Variants in LRRC8D observed in about 807,000 individuals in gnomAD.
LRRC8D encodes the protein leucine rich repeat containing 8 VRAC subunit D.
In LRRC8D, 20 loss-of-function variants were observed where a neutral mutation model predicts 55.8. That is an observed-to-expected ratio of 0.36 (90% CI 0.25 to 0.52). The LOEUF is 0.52. LRRC8D is among the 20% of genes least tolerant of loss of function. LRRC8D has a pLI of 0.93. For synonymous variants in LRRC8D, 352 were observed against 377.0 expected (o/e 0.93, Z 0.77); for missense variants, 651 against 1,030.8 (o/e 0.63, Z 5.05).
At chr1:89,852,989 G>T (rs2100771710) in intron 2 of LRRC8D, among the ~76,000 whole-genome samples, 1 of 152,324 alleles carries the variant, frequency 6.6e-6, no homozygotes, top group East Asian at 1.9e-4. Context: ...GTCATTAAAG[G>T]TAAAATAAGT....
chr1:89,930,208 A>G (rs891113013), intron 2 of LRRC8D, among the ~76,000 whole-genome samples: 3 of 152,034 alleles, frequency 2.0e-5, no homozygotes, highest in Non-Finnish European at 4.4e-5. Context: ...TATGTACTTC[A>G]TTATAAAATG....
At position 89,837,881 on chromosome 1, in the gene LRRC8D, G is replaced by T. The variant is rs538319267; in HGVS notation, c.-147-5757G>T. ...AATTATTCATGAATTGTTTTTCTTC[G>T]TGTAGACTCCATTATAATGTATAAT... On this transcript the variant is annotated intron_variant, in intron 1 of 2. Coordinates refer to ENST00000337338, the MANE Select transcript of LRRC8D (RefSeq NM_001134479.2). Among the ~76,000 whole-genome samples the T allele has an allele frequency of 4.6e-5, 7 of 152,102 alleles. No homozygotes were observed. The South Asian group carries it at 8.3e-4, about 18-fold the overall frequency.
chr1:89,894,127 TCTC>T (rs1394492586), intron 2 of LRRC8D, among the ~76,000 whole-genome samples: 1 of 152,170 alleles, frequency 6.6e-6, no homozygotes, highest in Non-Finnish European at 1.5e-5. Context: ...CCCAGAGAGT[TCTC>T]CTGCCCTTTT....
chr1:89,884,874 T>G (rs957070489), intron 2 of LRRC8D, among the ~76,000 whole-genome samples: 1 of 152,196 alleles, frequency 6.6e-6, no homozygotes, highest in African/African-American at 2.4e-5. Flanking sequence ...ACCCGAACTA[T>G]TACAGTTCCC....
chr1:89,823,138 C>T (rs191571211), intron 1 of LRRC8D, among the ~76,000 whole-genome samples: 13 of 152,228 alleles, frequency 8.5e-5, no homozygotes, highest in East Asian at 7.7e-4. Flanking sequence ...TGTATGTGTG[C>T]GTGTTGATTA....
rs117624630 is a variant in LRRC8D at position 89,849,858 on chromosome 1, A to T, written c.-3+6076A>T. On this transcript the variant is annotated intron_variant, in intron 2 of 2. Coordinates refer to ENST00000337338, the MANE Select transcript of LRRC8D (RefSeq NM_001134479.2). ...AATAACTTTGTCTATGGTGCCTTTC[A>T]GTAATAGCAACAATAAAATCTTTAG... is the stretch of plus-strand genomic sequence containing the variant. Among the ~76,000 whole-genome samples, 7 of 152,248 alleles carry T rather than the reference A, an allele frequency of 4.6e-5. No homozygotes were observed. In the East Asian group the frequency reaches 1.2e-3, roughly 25 times the overall value.
At chr1:89,891,045 C>A (rs1012582545) in intron 2 of LRRC8D, among the ~76,000 whole-genome samples, 1 of 152,116 alleles carries the variant, frequency 6.6e-6, no homozygotes, top group African/African-American at 2.4e-5. Flanking sequence ...CCATGCCCAG[C>A]TAATTTTTGT....
intron 2 of LRRC8D, among the ~76,000 whole-genome samples, chr1:89,885,721 G>A (rs1319324202): frequency 6.6e-6 from 1 of 152,156 alleles, no homozygotes; most frequent in Non-Finnish European, 1.5e-5. Context: ...TTTTCTTTGA[G>A]AGAATAAACA....
rs559181086 is a variant in LRRC8D, at chr1:89,874,385, A to G, written c.-3+30603A>G. Among the ~76,000 whole-genome samples, 8 of 152,040 alleles carry G rather than the reference A, an allele frequency of 5.3e-5. No homozygotes were observed. In the East Asian group the frequency reaches 7.7e-4, roughly 15 times the overall value. ...CTATAATGAGATGGAGTTGGATTCT[A>G]TGACCTCGAAGTGTGAATCTGTTTT... On this transcript the variant is annotated intron_variant, in intron 2 of 2. Coordinates refer to ENST00000337338, the MANE Select transcript of LRRC8D (RefSeq NM_001134479.2).
At chr1:89,891,160 G>A (rs1482171612) in intron 2 of LRRC8D, among the ~76,000 whole-genome samples, 8 of 152,182 alleles carry the variant, frequency 5.3e-5, no homozygotes, top group African/African-American at 1.9e-4. Flanking sequence ...GATTACAGGC[G>A]TGAGCCACCG....
chr1:89,833,156 A>T (rs2100714669), intron 1 of LRRC8D, among the ~76,000 whole-genome samples: 1 of 152,370 alleles, frequency 6.6e-6, no homozygotes, highest in Admixed American at 6.5e-5. Flanking sequence ...TTTGCCTTCC[A>T]CATTACCTCA....
chr1:89,835,892 A>G (rs1162471717), intron 1 of LRRC8D, among the ~76,000 whole-genome samples: 1 of 152,240 alleles, frequency 6.6e-6, no homozygotes, highest in Non-Finnish European at 1.5e-5. Context: ...TTCACCTTAA[A>G]AAATAACTGT....
chr1:89,886,746 G>A lies in LRRC8D; in HGVS notation c.-3+42964G>A, dbSNP rs75183626. ...TATGCATATGTAGAATGATAACCTC[G>A]AAGAAAACTGCAAATTTATTCATGC... On this transcript the variant is annotated intron_variant, in intron 2 of 2. Transcript: ENST00000337338. 2.6e-3 allele frequency among the ~76,000 whole-genome samples: 402 copies of A among 152,238 alleles called. 7 individuals carry two copies. Among genetic ancestry groups the A allele is most frequent in the African/African-American group, 9.3e-3 (388 of 41,540 alleles).
intron 1 of LRRC8D, among the ~76,000 whole-genome samples, chr1:89,841,258 A>G (rs948627757): frequency 3.3e-5 from 5 of 152,178 alleles, no homozygotes; most frequent in African/African-American, 9.7e-5. Context: ...TGGTCCTTGC[A>G]GTCTTCTTCC....
At chr1:89,883,853 G>T (rs567091270) in intron 2 of LRRC8D, among the ~76,000 whole-genome samples, 9 of 152,168 alleles carry the variant, frequency 5.9e-5, no homozygotes, top group Non-Finnish European at 1.2e-4. Flanking sequence ...AGCACTAGCA[G>T]CCTGTGAATC....
At chr1:89,875,864 A>ATGC (rs1662135342) in intron 2 of LRRC8D, among the ~76,000 whole-genome samples, 1 of 152,226 alleles carries the variant, frequency 6.6e-6, no homozygotes. Context: ...ATGTTGAGGA[A>ATGC]CTTCCGCAAG....
At position 89,843,678 on chromosome 1, in the gene LRRC8D, A is replaced by G. The variant is rs763758622; in HGVS notation, c.-107A>G. ...CTATAACGTGCTGCCGGGTCTCAGGATGGAGGAGTGAAGTCTCCTGTCGCC... is the reference window on the plus strand; with the variant it reads ...CTATAACGTGCTGCCGGGTCTCAGGGTGGAGGAGTGAAGTCTCCTGTCGCC... On this transcript the variant is annotated 5_prime_UTR_variant, in exon 2 of 3. An upstream start codon of the reference 5' UTR is lost. Transcript: ENST00000337338. 4 of 702,202 alleles carry G rather than the reference A, an allele frequency of 5.7e-6. No individual in the cohort carries two copies. The highest frequency in any genetic ancestry group is 1.0e-5 in the Non-Finnish European group (4 of 384,798). 43.5% of individuals were successfully genotyped at this position (702,202 alleles called of 1,614,324 possible).
chr1:89,906,270 T>C (rs1248052202), intron 2 of LRRC8D, among the ~76,000 whole-genome samples: 1 of 152,174 alleles, frequency 6.6e-6, no homozygotes, highest in Non-Finnish European at 1.5e-5. Flanking sequence ...CTGTACACAC[T>C]GTAGCCCAAA....
At chr1:89,909,020 T>TTG (rs1663063475) in intron 2 of LRRC8D, among the ~76,000 whole-genome samples, 1 of 151,960 alleles carries the variant, frequency 6.6e-6, no homozygotes, top group Admixed American at 6.6e-5. Context: ...GTGGGTGTGT[T>TTG]TGCGTGTGTG....
Sources: allele counts gnomAD v4.1 joint callset (sites outside exome capture counted in the v4.1 genomes callset), GRCh38; gene constraint gnomAD v4.1.1; transcripts MANE v1.5; gene names NCBI Gene and HGNC (gene_info 2026-07-23, HGNC 2026-07-21).